Variants in PTPRG observed in about 807,000 individuals in gnomAD.
PTPRG encodes the protein receptor-type tyrosine-protein phosphatase gamma.
In PTPRG, 102 loss-of-function variants were observed where a neutral mutation model predicts 165.3. The observed-to-expected ratio is 0.62, with a 90% CI of 0.53 to 0.73. The LOEUF is 0.73. Ranked by LOEUF, PTPRG falls within the 30% of genes least tolerant of loss-of-function variation. The pLI is 0.00. For missense variants in PTPRG, 1,866 were observed against 1,861.4 expected, an observed-to-expected ratio of 1.00 and a Z score of -0.05; for synonymous variants, 675 against 669.5, an observed-to-expected ratio of 1.01 and a Z score of -0.13.
At chr3:61,917,832 T>C (rs1446751016) in intron 2 of PTPRG, among the ~76,000 whole-genome samples, 2 of 152,126 alleles carry the variant, frequency 1.3e-5, no homozygotes, top group East Asian at 3.8e-4. Flanking sequence ...ACCAGGAGGC[T>C]GCGGCAGAAG....
At chr3:62,177,030 A>G (rs900343287) in intron 8 of PTPRG, among the ~76,000 whole-genome samples, 11 of 152,104 alleles carry the variant, frequency 7.2e-5, no homozygotes, top group African/African-American at 1.9e-4. Flanking sequence ...TTGGGAGGCC[A>G]AGGTGGGAGG....
chr3:61,946,607 A>T (rs2107615963), intron 2 of PTPRG, among the ~76,000 whole-genome samples: 1 of 152,338 alleles, frequency 6.6e-6, no homozygotes. Context: ...AGGTAAACCA[A>T]GTACAGGTAT....
At chr3:61,883,840 T>C (rs577749705) in intron 2 of PTPRG, among the ~76,000 whole-genome samples, 1 of 152,226 alleles carries the variant, frequency 6.6e-6, no homozygotes, top group South Asian at 2.1e-4. Flanking sequence ...GCCTCTCAAG[T>C]AGTTGAGACT....
At chr3:61,866,356 C>CT (rs1332640823) in intron 2 of PTPRG, among the ~76,000 whole-genome samples, 18 of 152,078 alleles carry the variant, frequency 1.2e-4, no homozygotes, top group Non-Finnish European at 2.4e-4. Flanking sequence ...TACCTCTAGG[C>CT]TTACAGAAGG....
chr3:62,119,101 G>A (rs780974710), intron 5 of PTPRG, among the ~76,000 whole-genome samples: 1 of 152,190 alleles, frequency 6.6e-6, no homozygotes, highest in Non-Finnish European at 1.5e-5. Context: ...GTCCAGTCAA[G>A]CGATCAGATT....
chr3:61,690,790 T>G (rs2030146643), intron 1 of PTPRG, among the ~76,000 whole-genome samples: 1 of 152,150 alleles, frequency 6.6e-6, no homozygotes, highest in Admixed American at 6.6e-5. Flanking sequence ...TTTGGGCTTG[T>G]GTCAGGCTTT....
At chr3:62,084,379 A>G (rs932785154) in intron 5 of PTPRG, among the ~76,000 whole-genome samples, 1 of 152,090 alleles carries the variant, frequency 6.6e-6, no homozygotes, top group Admixed American at 6.6e-5. Context: ...TTTCATTTTT[A>G]TTTAAATTCT....
chr3:62,203,517 C>T lies in PTPRG; in HGVS notation c.1722C>T (p.Gly574=), dbSNP rs747265374. 1.9e-5 allele frequency: 29 copies of T among 1,556,344 alleles called. No individual in the cohort carries two copies. Among genetic ancestry groups the T allele is most frequent in the Admixed American group, 1.4e-4 (7 of 51,478 alleles). Residue 574 remains glycine, a synonymous_variant, in exon 12 of 30, where the codon GGC becomes GGT. Coordinates refer to ENST00000474889, the MANE Select transcript of PTPRG (RefSeq NM_002841.4). This position sits in a 1 kb window ranked among gnomAD's most constrained non-coding sequence, Gnocchi z 6.4. ...GTGATTCGTCACCAACCAAGGACGG[C>T]GAGGGCACCGAGGAAGGAGAGAAGG... ...PDGDSSPTKD[G]EGTEEGEKDE... is the part of the protein sequence containing the mutation.
At chr3:61,928,238 G>A (rs996703116) in intron 2 of PTPRG, among the ~76,000 whole-genome samples, 1 of 152,068 alleles carries the variant, frequency 6.6e-6, no homozygotes, top group Non-Finnish European at 1.5e-5. Context: ...CTTATGAGTT[G>A]GGAACATGCC....
At chr3:62,025,054 G>T (rs1214917984) in intron 4 of PTPRG, among the ~76,000 whole-genome samples, 3 of 152,122 alleles carry the variant, frequency 2.0e-5, no homozygotes, top group Non-Finnish European at 4.4e-5. Context: ...CAGTTAGAAG[G>T]GAGAGCTTTA....
chr3:61,714,082 C>A (rs2031696297), intron 1 of PTPRG, among the ~76,000 whole-genome samples: 1 of 152,082 alleles, frequency 6.6e-6, no homozygotes. Context: ...TCTTTTCTGG[C>A]TTTCTAAAAT....
intron 4 of PTPRG, among the ~76,000 whole-genome samples, chr3:62,033,361 A>AT (rs199968064): frequency 0.021 from 2,640 of 124,308 alleles, 60 homozygotes; most frequent in African/African-American, 0.048. Flanking sequence ...CTCCCTATAC[A>AT]TTTTTTTTTT....
chr3:62,110,089 CTT>C (rs371457716), intron 5 of PTPRG, among the ~76,000 whole-genome samples: 1,284 of 79,874 alleles, frequency 0.016, 1 homozygote, highest in East Asian at 0.073. Flanking sequence ...GAAATAATGG[CTT>C]TTTTTTTTTT....
Position 62,157,229 on chromosome 3 carries a change from A to G in PTPRG, c.840+5A>G. 1.2e-6 allele frequency: 2 copies of G among 1,611,232 alleles called. No homozygotes were observed. Among genetic ancestry groups the G allele is most frequent in the Non-Finnish European group, 1.7e-6 (2 of 1,177,624 alleles). ...GTCCCCATCTCTTACCATCAGGTAG[A>G]TATTCTTCCTCAAGTGGGGTTTCTG... On this transcript the variant is annotated splice_donor_5th_base_variant and intron_variant, in intron 7 of 29. Transcript: ENST00000474889.
intron 1 of PTPRG, among the ~76,000 whole-genome samples, chr3:61,671,137 T>A (rs1428359314): frequency 1.9e-5 from 2 of 104,534 alleles, no homozygotes; most frequent in East Asian, 3.3e-4. Flanking sequence ...GTATGAACTT[T>A]CTTTTTTTTT....
intron 2 of PTPRG, among the ~76,000 whole-genome samples, chr3:61,975,493 G>C (rs1334488412): frequency 1.3e-5 from 2 of 152,222 alleles, no homozygotes; most frequent in Non-Finnish European, 2.9e-5. Context: ...TTCTAATGAG[G>C]TTCTTCACTG....
chr3:61,795,948 G>A (rs151223964), intron 2 of PTPRG, among the ~76,000 whole-genome samples: 29 of 152,234 alleles, frequency 1.9e-4, no homozygotes, highest in Non-Finnish European at 4.0e-4. Flanking sequence ...TTGAACAGCA[G>A]CAGATACCTC....
At chr3:62,008,884 C>T (rs1416048556) in intron 4 of PTPRG, among the ~76,000 whole-genome samples, 1 of 152,216 alleles carries the variant, frequency 6.6e-6, no homozygotes, top group Admixed American at 6.5e-5. Context: ...CACTCACCTC[C>T]TGCTGTGCGG....
intron 1 of PTPRG, among the ~76,000 whole-genome samples, chr3:61,748,258 T>G (rs1437270999): frequency 6.6e-6 from 1 of 152,128 alleles, no homozygotes; most frequent in Admixed American, 6.5e-5. Context: ...GATTGTCCTG[T>G]GTTTGGGTGG....
Sources: allele counts gnomAD v4.1 joint callset (sites outside exome capture counted in the v4.1 genomes callset), GRCh38; gene constraint gnomAD v4.1.1; non-coding constraint Gnocchi (gnomAD v3.1); transcripts MANE v1.5; gene names NCBI Gene and HGNC (gene_info 2026-07-23, HGNC 2026-07-21).